TMEM132D: variants seen among roughly 807,000 people sequenced by gnomAD.
TMEM132D encodes the protein mature OL transmembrane protein.
TMEM132D carries 21 observed loss-of-function variants against 62.3 expected under a neutral mutation model. The ratio of observed to expected loss-of-function variants is 0.34; its 90% CI spans 0.24 to 0.49. The LOEUF is 0.49. Among genes scored for constraint, TMEM132D ranks in the 20% least tolerant of loss-of-function variants. The probability of loss-of-function intolerance (pLI) is 0.99; values close to 1 mark genes in which losing one functional copy is unlikely to be tolerated. For missense variants in TMEM132D, 1,346 were observed against 1,402.8 expected (o/e 0.96, Z 0.65); for synonymous variants, 621 against 575.6 (o/e 1.08, Z -1.13).
intron 2 of TMEM132D, among the ~76,000 whole-genome samples, chr12:129,584,725 A>G (rs1442561447): frequency 1.3e-5 from 2 of 152,226 alleles, no homozygotes; most frequent in Non-Finnish European, 2.9e-5. Context: ...GAAACACTGC[A>G]TTATTTGAAA....
chr12:129,895,963 CTTT>C (rs957389211), intron 1 of TMEM132D, among the ~76,000 whole-genome samples: 7 of 97,830 alleles, frequency 7.2e-5, no homozygotes, highest in South Asian at 3.3e-4. Context: ...CTCTGTCTCT[CTTT>C]TTTTTTTTTT....
chr12:129,863,328 C>A (rs1477815434), intron 1 of TMEM132D, among the ~76,000 whole-genome samples: 1 of 151,996 alleles, frequency 6.6e-6, no homozygotes, highest in Non-Finnish European at 1.5e-5. Context: ...ATGTTCTTCC[C>A]AAGGGAATCA....
rs143256506 is a variant in TMEM132D, at chr12:129,676,773, A to G, written c.968+23037T>C. Among the ~76,000 whole-genome samples, 411 of 152,266 alleles carry G rather than the reference A, an allele frequency of 2.7e-3. 2 individuals are homozygous for G. Among genetic ancestry groups the G allele is most frequent in the Non-Finnish European group, 4.5e-3 (308 of 68,016 alleles). Reference sequence around the variant, plus strand: ...TAGAGGGGACAAACATCCAAACTGTATCACTATCTATCATCTCTCTATGTA... The same window carrying G: ...TAGAGGGGACAAACATCCAAACTGTGTCACTATCTATCATCTCTCTATGTA... On this transcript the variant is annotated intron_variant, in intron 2 of 8. Transcript: ENST00000422113.
At chr12:129,317,713 C>T (rs2135640747) in intron 4 of TMEM132D, among the ~76,000 whole-genome samples, 1 of 152,334 alleles carries the variant, frequency 6.6e-6, no homozygotes, top group South Asian at 2.1e-4. Context: ...GGGAAGTTTT[C>T]CTCAATTTTC....
chr12:129,172,051 T>C (rs1460972031), intron 5 of TMEM132D, among the ~76,000 whole-genome samples: 2 of 152,240 alleles, frequency 1.3e-5, no homozygotes, highest in African/African-American at 4.8e-5. Flanking sequence ...AAGGTTGTTC[T>C]TGCTTAGTGT....
chr12:129,568,503 C>G (rs1172679490), intron 2 of TMEM132D, among the ~76,000 whole-genome samples: 3 of 152,182 alleles, frequency 2.0e-5, no homozygotes, highest in Non-Finnish European at 4.4e-5. Context: ...ATTATATCAA[C>G]AGCATTATAT....
Position 129,337,620 on chromosome 12 carries a change from C to G in TMEM132D, c.1299+14G>C, listed in dbSNP as rs776127677. 3.3e-5 allele frequency: 54 copies of G among 1,613,408 alleles called. No homozygotes were observed. Among genetic ancestry groups the G allele is most frequent in the Non-Finnish European group, 4.5e-5 (53 of 1,179,748 alleles). The stretch of plus-strand genomic sequence containing the variant: ...CGAGTTCAGTTCTAACAGCCCAGGG[C>G]GGGGCTTGCTTACCATAGCCAGCGG... On this transcript the variant is annotated intron_variant, in intron 4 of 8. Transcript: ENST00000422113.
chr12:129,560,891 C>T (rs1170270336), intron 2 of TMEM132D, among the ~76,000 whole-genome samples: 1 of 152,176 alleles, frequency 6.6e-6, no homozygotes, highest in Non-Finnish European at 1.5e-5. Flanking sequence ...GTCACTTTCA[C>T]ATTTATTTTT....
At chr12:129,794,293 G>C (rs1343229233) in intron 1 of TMEM132D, among the ~76,000 whole-genome samples, 2 of 130,320 alleles carry the variant, frequency 1.5e-5, no homozygotes, top group East Asian at 2.2e-4. Context: ...GTAGAGAAAG[G>C]GTTTTGCCAT....
At chr12:129,342,186 C>A (rs1182815438) in intron 3 of TMEM132D, among the ~76,000 whole-genome samples, 3 of 152,264 alleles carry the variant, frequency 2.0e-5, no homozygotes, top group Admixed American at 2.0e-4. Context: ...TACTACAAGG[C>A]TATGGTAACC....
At chr12:129,150,809 C>T (rs1039375924) in intron 5 of TMEM132D, among the ~76,000 whole-genome samples, 3 of 152,234 alleles carry the variant, frequency 2.0e-5, no homozygotes, top group Non-Finnish European at 2.9e-5. Context: ...TCACTGTCCC[C>T]GTGACAGGGT....
At chr12:129,817,683 G>T (rs1365125385) in intron 1 of TMEM132D, among the ~76,000 whole-genome samples, 1 of 144,208 alleles carries the variant, frequency 6.9e-6, no homozygotes, top group African/African-American at 2.6e-5. Flanking sequence ...TGTGTGGGGG[G>T]TGTGTATGTG....
intron 2 of TMEM132D, among the ~76,000 whole-genome samples, chr12:129,651,298 A>T (rs1879921375): frequency 6.6e-6 from 1 of 152,218 alleles, no homozygotes; most frequent in Non-Finnish European, 1.5e-5. Flanking sequence ...TTTTGTGACC[A>T]AGTCGCATTG....
intron 4 of TMEM132D, among the ~76,000 whole-genome samples, chr12:129,323,900 GA>G (rs1275730727): frequency 9.1e-6 from 1 of 110,118 alleles, no homozygotes; most frequent in Admixed American, 1.2e-4. Flanking sequence ...TTTTCTATAG[GA>G]AGTAGGTTTT....
At chr12:129,656,985 T>G (rs1461217582) in intron 2 of TMEM132D, among the ~76,000 whole-genome samples, 1 of 152,200 alleles carries the variant, frequency 6.6e-6, no homozygotes, top group Non-Finnish European at 1.5e-5. Context: ...TTTTGAAGGG[T>G]GGATTTGTAA....
intron 3 of TMEM132D, among the ~76,000 whole-genome samples, chr12:129,456,309 G>C (rs2135729538): frequency 6.6e-6 from 1 of 152,234 alleles, no homozygotes; most frequent in East Asian, 1.9e-4. Context: ...GTTACCTGCT[G>C]TTACCACCAA....
chr12:129,783,000 G>A (rs542000895), intron 1 of TMEM132D, among the ~76,000 whole-genome samples: 9 of 152,334 alleles, frequency 5.9e-5, no homozygotes, highest in African/African-American at 1.9e-4. Context: ...GTTTGTGTCT[G>A]TTATTTCTGT....
chr12:129,684,910 G>A (rs264517), intron 2 of TMEM132D, among the ~76,000 whole-genome samples: 458 of 152,200 alleles, frequency 3.0e-3, no homozygotes, highest in African/African-American at 0.01. Flanking sequence ...AGAGATCTGT[G>A]GATTGAGAGA....
At chr12:129,102,251 TTC>T (rs1381873931) in intron 5 of TMEM132D, among the ~76,000 whole-genome samples, 15 of 152,192 alleles carry the variant, frequency 9.9e-5, no homozygotes, top group Admixed American at 2.6e-4. Context: ...AGACTCACTC[TTC>T]TCTTTCTGAG....
Sources: allele counts gnomAD v4.1 joint callset (sites outside exome capture counted in the v4.1 genomes callset), GRCh38; gene constraint gnomAD v4.1.1; transcripts MANE v1.5; gene names NCBI Gene and HGNC (gene_info 2026-07-23, HGNC 2026-07-21).